The following XPNPEP1 variants were observed in gnomAD, a reference collection of about 807,000 sequenced individuals.
XPNPEP1 encodes the protein xaa-Pro aminopeptidase 1.
In XPNPEP1, 39 loss-of-function variants were observed where a neutral mutation model predicts 92.4. That is an observed-to-expected ratio of 0.42 (90% CI 0.33 to 0.55). XPNPEP1 has a LOEUF of 0.55. Among genes scored for constraint, XPNPEP1 ranks in the 20% least tolerant of loss-of-function variants. The probability of loss-of-function intolerance (pLI) is 0.08; values close to 1 mark genes in which losing one functional copy is unlikely to be tolerated. For missense variants in XPNPEP1, 654 were observed against 856.1 expected, an observed-to-expected ratio of 0.76 and a Z score of 2.95; for synonymous variants, 307 against 299.4, an observed-to-expected ratio of 1.03 and a Z score of -0.26.
intron 7 of XPNPEP1, 64 bp from the exon 8 acceptor site, chr10:109,886,405 A>C: frequency 6.9e-7 from 1 of 1,450,382 alleles, no homozygotes; most frequent in Admixed American, 1.8e-5. Context: ...AACCCAGTGA[A>C]AGAACCTACC....
chr10:109,874,814 T>C (rs1459669950), intron 15 of XPNPEP1, among the ~76,000 whole-genome samples: 2 of 152,118 alleles, frequency 1.3e-5, no homozygotes, highest in African/African-American at 4.8e-5. Flanking sequence ...CCGGGCGTGG[T>C]GGCGGGCACC....
intron 8 of XPNPEP1, among the ~76,000 whole-genome samples, chr10:109,885,347 C>T (rs1848331414): frequency 6.6e-6 from 1 of 152,152 alleles, no homozygotes; most frequent in Non-Finnish European, 1.5e-5. Context: ...AGAATATTGA[C>T]ACTGATTATC....
At chr10:109,900,113 C>T (rs777887682) in intron 3 of XPNPEP1, among the ~76,000 whole-genome samples, 12 of 152,182 alleles carry the variant, frequency 7.9e-5, no homozygotes, top group Admixed American at 1.3e-4. Flanking sequence ...CACTGCAGTG[C>T]CAAGTCCTTG....
In XPNPEP1 at chr10:109,877,695, GC is replaced by G. The variant is rs1297717669; in HGVS notation, c.1319+94del. 2.1e-6 allele frequency: 3 copies of G among 1,422,894 alleles called. No individual in the cohort carries two copies. The African/African-American group carries it at 4.2e-5, about 20-fold the overall frequency. The allele number at this position is 1,422,894 out of a possible 1,614,324, so 88.1% of individuals were successfully genotyped here. A position where few individuals can be genotyped will look rare whatever the true frequency, so the allele number is the denominator to read the frequency against. ...AGTCTCAACAGACAGATGAAGGTGG[GC>G]ACAGAGGCCTCTGGTAAAATAATGT... On this transcript the variant is annotated intron_variant, in intron 14 of 20. Transcript: ENST00000502935.
At chr10:109,916,371 CA>C (rs1850192804) in intron 1 of XPNPEP1, among the ~76,000 whole-genome samples, 1 of 152,234 alleles carries the variant, frequency 6.6e-6, no homozygotes, top group Admixed American at 6.5e-5. Flanking sequence ...GTGATTGTAT[CA>C]GGGGATGGGG....
At chr10:109,879,009 G>A (rs1001180914) in intron 12 of XPNPEP1, among the ~76,000 whole-genome samples, 6 of 152,050 alleles carry the variant, frequency 3.9e-5, no homozygotes, top group East Asian at 1.9e-4. Flanking sequence ...TTGGGAGGCC[G>A]AGGCGGGCGG....
intron 11 of XPNPEP1, among the ~76,000 whole-genome samples, chr10:109,880,541 A>C (rs1848033661): frequency 2.0e-5 from 3 of 152,178 alleles, no homozygotes. Context: ...GCCAGGAAAA[A>C]ACAGGCCACT....
Position 109,888,614 on chromosome 10 carries a change from A to T in XPNPEP1, c.416-19T>A, listed in dbSNP as rs781753862. ...TTCAGACCTACAGGGGGAAGAAATG[A>T]TAAGAAACAATTCCCAGTGGGCCCA... On this transcript the variant is annotated intron_variant, in intron 5 of 20. Coordinates refer to ENST00000502935, the MANE Select transcript of XPNPEP1 (RefSeq NM_020383.4). 4.4e-6 allele frequency: 7 copies of T among 1,576,282 alleles called. No individual in the cohort carries two copies. In the East Asian group the frequency reaches 1.6e-4, roughly 36 times the overall value.
intron 3 of XPNPEP1, among the ~76,000 whole-genome samples, chr10:109,902,216 G>A (rs1397702530): frequency 2.0e-5 from 3 of 152,198 alleles, no homozygotes; most frequent in Non-Finnish European, 2.9e-5. Flanking sequence ...CTAATATGAC[G>A]AGACTTTTCA....
chr10:109,919,615 G>A (rs970444536), intron 1 of XPNPEP1, among the ~76,000 whole-genome samples: 3 of 152,164 alleles, frequency 2.0e-5, no homozygotes, highest in African/African-American at 2.4e-5. Context: ...CTTATAAAAA[G>A]TTGTACACAA....
At chr10:109,894,464 G>A (rs569418251) in intron 3 of XPNPEP1, among the ~76,000 whole-genome samples, 78 of 151,862 alleles carry the variant, frequency 5.1e-4, no homozygotes, top group African/African-American at 1.8e-3. Context: ...CCGGGAGGTT[G>A]AGGCTGCACA....
chr10:109,910,969 TTTTC>T (rs1175513493), intron 2 of XPNPEP1, among the ~76,000 whole-genome samples: 1 of 152,242 alleles, frequency 6.6e-6, no homozygotes, highest in Non-Finnish European at 1.5e-5. Context: ...TTTTGGATCT[TTTTC>T]TTTAACATAC....
chr10:109,916,112 G>A (rs992351557), intron 1 of XPNPEP1, among the ~76,000 whole-genome samples: 4 of 152,096 alleles, frequency 2.6e-5, no homozygotes, highest in African/African-American at 9.7e-5. Context: ...CGTGTTTTGT[G>A]AAAAAAAGTA....
chr10:109,886,167 T>A, intron 8 of XPNPEP1, 79 bp downstream of exon 8: 1 of 1,436,284 alleles, frequency 7.0e-7, no homozygotes, highest in Non-Finnish European at 9.7e-7. Flanking sequence ...GAAAGTTGAA[T>A]GGCATGAACA....
Position 109,891,634 on chromosome 10 carries a change from A to G in XPNPEP1, c.415+88T>C. The G allele has an allele frequency of 2.7e-6, 3 of 1,106,598 alleles. No individual in the cohort carries two copies. The South Asian group carries it at 5.0e-5, about 19-fold the overall frequency. 68.5% of individuals were successfully genotyped at this position (1,106,598 alleles called of 1,614,324 possible). Reference sequence around the variant, plus strand: ...TCAAAAGGGTCCATGACTGCATAAAAGGATTAAGATCCAGGAGTCCTGAGG... The same window carrying G: ...TCAAAAGGGTCCATGACTGCATAAAGGGATTAAGATCCAGGAGTCCTGAGG... On this transcript the variant is annotated intron_variant, in intron 5 of 20. Coordinates refer to ENST00000502935, the MANE Select transcript of XPNPEP1 (RefSeq NM_020383.4).
intron 19 of XPNPEP1, among the ~76,000 whole-genome samples, 156 bp from the exon 20 acceptor site, chr10:109,868,868 A>G (rs1483238107): frequency 6.6e-6 from 1 of 152,166 alleles, no homozygotes; most frequent in Non-Finnish European, 1.5e-5. Flanking sequence ...CACACAAGGA[A>G]CCTGATGCCA....
chr10:109,891,732 A>T lies in XPNPEP1; in HGVS notation c.405T>A (p.Leu135=), dbSNP rs1412340569. ...AAKQMDSNWT[L]MKMGLKDTPT... ...CATGCCTGTACCCACCCATCTTCAT[A>T]AGTGTCCAGTTGCTGTCCATTTGCT... Residue 135 remains leucine, a synonymous_variant, in exon 5 of 21, where the codon CTT becomes CTA. Coordinates refer to ENST00000502935, the MANE Select transcript of XPNPEP1 (RefSeq NM_020383.4). 6.3e-7 allele frequency: 1 copy of T among 1,580,714 alleles called. No individual in the cohort carries two copies. The highest frequency in any genetic ancestry group is 8.6e-7 in the Non-Finnish European group (1 of 1,168,392).
intron 3 of XPNPEP1, among the ~76,000 whole-genome samples, chr10:109,907,482 T>C (rs967790662): frequency 2.6e-5 from 4 of 152,198 alleles, no homozygotes; most frequent in Non-Finnish European, 5.9e-5. Context: ...TAATTCTTCA[T>C]TGAAAGATGG....
At chr10:109,923,118 C>T (rs569643197) in intron 1 of XPNPEP1, 1 of 972,062 alleles carries the variant, frequency 1.0e-6, no homozygotes, top group East Asian at 1.1e-4. Flanking sequence ...GGCCGCCGCC[C>T]CCTCAGGCCG....
Sources: gnomAD v4.1 joint callset for allele counts (sites outside exome capture counted in the v4.1 genomes callset) on GRCh38, gnomAD v4.1.1 for gene constraint, MANE v1.5 for transcripts, NCBI Gene and HGNC (gene_info 2026-07-23, HGNC 2026-07-21) for gene names.